Variants in SEMA3D observed in about 807,000 individuals in gnomAD.
The protein encoded by SEMA3D is semaphorin 3D.
SEMA3D carries 84 observed loss-of-function variants against 100.1 expected under a neutral mutation model. That is an observed-to-expected ratio of 0.84 (90% CI 0.70 to 1.01). SEMA3D has a LOEUF of 1.01. Among genes scored for constraint, SEMA3D ranks in the 50% least tolerant of loss-of-function variants. SEMA3D has a pLI of 0.00. For missense variants in SEMA3D, 875 were observed against 934.1 expected (o/e 0.94, Z 0.82); for synonymous variants, 312 against 320.7 (o/e 0.97, Z 0.29).
rs1162432139 is a variant in SEMA3D, at chr7:85,150,527, T to TTA, written c.-41+3079_-41+3080dup. On this transcript the variant is annotated intron_variant, in intron 2 of 18. Transcript: ENST00000284136. ...ACATATATTTACAGGGATATATATA[T>TTA]TATATATATAGAATATATATATATT... is the stretch of plus-strand genomic sequence containing the variant. Among the ~76,000 whole-genome samples the TTA allele has an allele frequency of 3.4e-5, 5 of 146,798 alleles. No individual in the cohort carries two copies. In the South Asian group the frequency reaches 1.1e-3, roughly 31 times the overall value.
At chr7:85,027,249 T>A (rs1173590419) in intron 12 of SEMA3D, among the ~76,000 whole-genome samples, 3 of 152,068 alleles carry the variant, frequency 2.0e-5, no homozygotes, top group Admixed American at 2.0e-4. Context: ...AATTTTTCAA[T>A]GACTCTTACA....
At chr7:85,006,356 C>G (rs1789796293) in intron 18 of SEMA3D, among the ~76,000 whole-genome samples, 1 of 151,910 alleles carries the variant, frequency 6.6e-6, no homozygotes, top group Non-Finnish European at 1.5e-5. Flanking sequence ...GGATACTTAT[C>G]TAATTTGCTC....
At chr7:85,053,045 G>A (rs1164461303) in intron 9 of SEMA3D, among the ~76,000 whole-genome samples, 2 of 151,968 alleles carry the variant, frequency 1.3e-5, no homozygotes, top group Non-Finnish European at 2.9e-5. Context: ...AGCTGAAGAT[G>A]AAGGGAGCTC....
chr7:85,106,118 A>G (rs1583928743), intron 3 of SEMA3D, among the ~76,000 whole-genome samples: 2 of 152,196 alleles, frequency 1.3e-5, no homozygotes, highest in African/African-American at 4.8e-5. Flanking sequence ...TATTATAAAT[A>G]TCTAGTACAT....
At chr7:85,119,221 T>C (rs532134657) in intron 3 of SEMA3D, among the ~76,000 whole-genome samples, 1 of 152,284 alleles carries the variant, frequency 6.6e-6, no homozygotes, top group African/African-American at 2.4e-5. Context: ...TTCTCAAAGA[T>C]CTAAAGACAG....
chr7:85,045,580 A>C (rs1790985254), intron 9 of SEMA3D, among the ~76,000 whole-genome samples: 1 of 151,914 alleles, frequency 6.6e-6, no homozygotes, highest in African/African-American at 2.4e-5. Context: ...CTGCAGATGC[A>C]GACAGATTTA....
At chr7:85,120,732 T>G (rs755173020) in intron 3 of SEMA3D, among the ~76,000 whole-genome samples, 44 of 151,038 alleles carry the variant, frequency 2.9e-4, no homozygotes, top group Non-Finnish European at 6.2e-4. Flanking sequence ...TATTTCATAA[T>G]GTGATCAATT....
intron 6 of SEMA3D, among the ~76,000 whole-genome samples, chr7:85,071,090 TA>T (rs1204399182): frequency 2.6e-5 from 4 of 152,186 alleles, no homozygotes; most frequent in Non-Finnish European, 5.9e-5. Flanking sequence ...TAAGGAGCTA[TA>T]AAACACTATT....
intron 3 of SEMA3D, among the ~76,000 whole-genome samples, chr7:85,107,774 A>T (rs879697494): frequency 2.6e-5 from 4 of 152,024 alleles, no homozygotes; most frequent in Admixed American, 2.6e-4. Flanking sequence ...CTCACACAAC[A>T]TCCAGCTAAA....
intron 2 of SEMA3D, chr7:85,141,880 C>A (rs1790060067): frequency 1.0e-6 from 1 of 953,542 alleles, no homozygotes; most frequent in East Asian, 1.2e-4. Context: ...CACTGAAAGA[C>A]CTTCTTGGAG....
chr7:85,068,297 A>G lies in SEMA3D; in HGVS notation c.496-13T>C. Reference sequence around the variant, plus strand: ...TGAATATAATATCCTGTTATGAGAAATATTAACACTAGTGAACTTTTTAAA... The same window carrying G: ...TGAATATAATATCCTGTTATGAGAAGTATTAACACTAGTGAACTTTTTAAA... On this transcript the variant is annotated splice_polypyrimidine_tract_variant and intron_variant, in intron 6 of 18. Coordinates refer to ENST00000284136, the MANE Select transcript of SEMA3D (RefSeq NM_001384900.1). The G allele has an allele frequency of 7.3e-7, 1 of 1,367,164 alleles. No homozygotes were observed. Among genetic ancestry groups the G allele is most frequent in the Non-Finnish European group, 1.0e-6 (1 of 956,228 alleles). The allele number at this position is 1,367,164 out of a possible 1,614,324, so 84.7% of individuals were successfully genotyped here.
intron 3 of SEMA3D, among the ~76,000 whole-genome samples, chr7:85,106,777 C>T (rs1344451023): frequency 6.6e-6 from 1 of 152,018 alleles, no homozygotes; most frequent in East Asian, 1.9e-4. Flanking sequence ...GAAGCCACCT[C>T]TTCACAGGGC....
chr7:85,066,892 T>TCACACACA (rs542898682), intron 7 of SEMA3D, among the ~76,000 whole-genome samples: 1,957 of 106,788 alleles, frequency 0.018, 54 homozygotes, highest in African/African-American at 0.072. Flanking sequence ...AAATGTGCGC[T>TCACACACA]CACACACACA....
chr7:85,153,082 A>C (rs1790475524), intron 2 of SEMA3D, among the ~76,000 whole-genome samples: 1 of 152,152 alleles, frequency 6.6e-6, no homozygotes, highest in South Asian at 2.1e-4. Flanking sequence ...CCATTCTCAT[A>C]TGCCAACGTG....
At chr7:85,176,348 A>C (rs1463367507) in intron 1 of SEMA3D, among the ~76,000 whole-genome samples, 1 of 152,194 alleles carries the variant, frequency 6.6e-6, no homozygotes, top group Non-Finnish European at 1.5e-5. Context: ...CTATTGTTTC[A>C]GAAAATTCAG....
the SEMA3D span, among the ~76,000 whole-genome samples, chr7:85,241,740 G>A: frequency 2.0e-5 from 3 of 151,246 alleles, no homozygotes; most frequent in Admixed American, 2.0e-4. Context: ...TTCAGGTGAT[G>A]GGTGCACCAA....
At chr7:85,117,359 A>G (rs1187379175) in intron 3 of SEMA3D, among the ~76,000 whole-genome samples, 1 of 152,220 alleles carries the variant, frequency 6.6e-6, no homozygotes, top group Non-Finnish European at 1.5e-5. Context: ...ACTGAGGGAT[A>G]TAGTAATTGT....
upstream of SEMA3D, among the ~76,000 whole-genome samples, chr7:85,188,162 C>T (rs995880628): frequency 9.2e-5 from 14 of 152,114 alleles, no homozygotes; most frequent in Non-Finnish European, 1.8e-4. Context: ...TTCATTTGAC[C>T]TTTTATCTGT....
At chr7:85,236,752 GTT>G in the SEMA3D span, among the ~76,000 whole-genome samples, 1 of 152,222 alleles carries the variant, frequency 6.6e-6, no homozygotes, top group East Asian at 1.9e-4. Flanking sequence ...AATATTTGGT[GTT>G]TTAAATAGTG....
Sources: gnomAD v4.1 joint callset for allele counts (sites outside exome capture counted in the v4.1 genomes callset) on GRCh38, gnomAD v4.1.1 for gene constraint, MANE v1.5 for transcripts, NCBI Gene and HGNC (gene_info 2026-07-23, HGNC 2026-07-21) for gene names.